Variants in DYTN observed in about 807,000 individuals in gnomAD.
DYTN encodes dystrotelin.
Under a neutral mutation model 69.6 loss-of-function variants are expected in DYTN, and 75 were observed. The observed-to-expected ratio is 1.08, with a 90% CI of 0.89 to 1.31. DYTN has a LOEUF of 1.31. Ranked by LOEUF, DYTN falls within the 50% of genes most tolerant of loss-of-function variation. The probability of loss-of-function intolerance (pLI) is 0.00; values close to 1 mark genes in which losing one functional copy is unlikely to be tolerated. For synonymous variants in DYTN, 252 were observed against 249.1 expected, an observed-to-expected ratio of 1.01 and a Z score of -0.11; for missense variants, 726 against 688.4, an observed-to-expected ratio of 1.05 and a Z score of -0.61.
chr2:206,658,677 C>G lies in DYTN; in HGVS notation c.1633+4226G>C, dbSNP rs113549932. Among the ~76,000 whole-genome samples the G allele has an allele frequency of 1.3e-3, 200 of 152,222 alleles. 4 individuals are homozygous for G. The highest frequency in any genetic ancestry group is 4.6e-3 in the African/African-American group (192 of 41,544). ...TTGGATGAATGGTCCAATTGTTTCC[C>G]CCTGCAAAGTGAGAAGCTGGGATAT... On this transcript the variant is annotated intron_variant, in intron 11 of 11. Transcript: ENST00000452335.
chr2:206,654,807 A>G (rs1699427979), intron 11 of DYTN, among the ~76,000 whole-genome samples: 1 of 152,230 alleles, frequency 6.6e-6, no homozygotes, highest in South Asian at 2.1e-4. Flanking sequence ...TTTTCTGATT[A>G]CTTGATACTT....
At chr2:206,676,006 G>C (rs981682638) in intron 9 of DYTN, among the ~76,000 whole-genome samples, 5 of 152,178 alleles carry the variant, frequency 3.3e-5, no homozygotes, top group Non-Finnish European at 2.9e-5. Context: ...CAACCATTGT[G>C]AAAGTCAATG....
At chr2:206,696,744 T>C (rs1473113169) in intron 7 of DYTN, among the ~76,000 whole-genome samples, 1 of 152,114 alleles carries the variant, frequency 6.6e-6, no homozygotes, top group Non-Finnish European at 1.5e-5. Flanking sequence ...GACCACACTA[T>C]CCTAGAATAG....
intron 9 of DYTN, among the ~76,000 whole-genome samples, chr2:206,671,358 T>C (rs1699628014): frequency 6.6e-6 from 1 of 152,178 alleles, no homozygotes; most frequent in Non-Finnish European, 1.5e-5. Context: ...AACTGAACTA[T>C]ATACAGACTT....
chr2:206,653,745 C>T (rs192072306), intron 11 of DYTN, among the ~76,000 whole-genome samples: 69 of 152,272 alleles, frequency 4.5e-4, no homozygotes, highest in African/African-American at 1.6e-3. Flanking sequence ...TGTTGATTGC[C>T]TCTGTGATGT....
At chr2:206,701,306 A>G (rs2105899715) in intron 5 of DYTN, 1 of 152,370 alleles carries the variant, frequency 6.6e-6, no homozygotes, top group South Asian at 2.1e-4. Flanking sequence ...GGATGAAAGG[A>G]AAGGAAATCA....
intron 11 of DYTN, among the ~76,000 whole-genome samples, chr2:206,659,813 G>T (rs1351192485): frequency 1.3e-5 from 2 of 152,092 alleles, no homozygotes; most frequent in Non-Finnish European, 2.9e-5. Context: ...AAATAATTGG[G>T]TGAGGAGTGA....
intron 7 of DYTN, 41 bp from the exon 8 acceptor site, chr2:206,694,918 A>ATG: frequency 2.1e-6 from 2 of 940,770 alleles, no homozygotes; most frequent in Non-Finnish European, 3.0e-6. Flanking sequence ...TCACTAGTAG[A>ATG]TGAGAAAAAA....
chr2:206,667,697 C>CGTGTGT (rs71410894), intron 9 of DYTN, among the ~76,000 whole-genome samples: 16,819 of 144,030 alleles, frequency 0.12, 1,114 homozygotes, highest in Non-Finnish European at 0.16. Context: ...TTTGCGTGTG[C>CGTGTGT]GTGTGTGTGT....
At chr2:206,704,068 T>C (rs150739758) in intron 5 of DYTN, among the ~76,000 whole-genome samples, 1 of 152,302 alleles carries the variant, frequency 6.6e-6, no homozygotes, top group African/African-American at 2.4e-5. Context: ...CAGGAAATGA[T>C]GGAAATAATT....
At position 206,704,884 on chromosome 2, in the gene DYTN, T is replaced by C; in HGVS notation, c.442A>G (p.Thr148Ala). 6.2e-7 allele frequency: 1 copy of C among 1,613,878 alleles called. No individual in the cohort carries two copies. Among genetic ancestry groups the C allele is most frequent in the Non-Finnish European group, 8.5e-7 (1 of 1,179,844 alleles). Residue 148 changes from threonine (T) to alanine (A), a missense_variant, in exon 5 of 12, where the codon ACT (threonine) becomes GCT (alanine). Physicochemically the swap from Thr to Ala is moderately conservative, Grantham distance 58. Transcript: ENST00000452335. ...RGGYDSGPRM[T>A]RRVLRKLLTD... is the part of the protein sequence containing the mutation. ...AGTAGTTTTCTCAAAACCCTTCGAG[T>C]CATGCGTGGCCCAGAATCATAGCCT...
Position 206,663,095 on chromosome 2 carries a change from G to A in DYTN, c.1441C>T (p.Pro481Ser). The A allele has an allele frequency of 6.2e-7, 1 of 1,613,868 alleles. No homozygotes were observed. Among genetic ancestry groups the A allele is most frequent in the Admixed American group, 1.7e-5 (1 of 59,972 alleles). The change falls in exon 11 of 12, where the codon CCC (proline) becomes TCC (serine). Residue 481 changes from proline to serine, a missense_variant. Pro to Ser is a moderately conservative substitution (Grantham distance 74, BLOSUM62 -1). Coordinates refer to ENST00000452335, the MANE Select transcript of DYTN (RefSeq NM_001093730.1). ...TGCTTCAGTCCCTCCTGATAACTGG[G>A]TAGGGCACTAATGACTTTCTGTGGC... Reference protein sequence around the residue: ...KMPQKVISALPSYQEGLKQDI... With the variant: ...KMPQKVISALSSYQEGLKQDI...
intron 4 of DYTN, among the ~76,000 whole-genome samples, chr2:206,705,472 G>C (rs1342914947): frequency 1.3e-5 from 2 of 152,198 alleles, no homozygotes; most frequent in African/African-American, 4.8e-5. Context: ...TGATCATTCA[G>C]TACATCTAGG....
At chr2:206,708,270 G>T (rs1700046915) in intron 2 of DYTN, among the ~76,000 whole-genome samples, 1 of 152,182 alleles carries the variant, frequency 6.6e-6, no homozygotes, top group Non-Finnish European at 1.5e-5. Context: ...GCTTCTTGCA[G>T]AGAGAGGATG....
chr2:206,656,935 T>C (rs6749792), intron 11 of DYTN, among the ~76,000 whole-genome samples: 9,049 of 152,080 alleles, frequency 0.06, 877 homozygotes, highest in African/African-American at 0.21. Flanking sequence ...GCTAATTTTG[T>C]AGTTTTAGTA....
At chr2:206,675,115 A>ATATGTGTGTGTGTGTGTGTG (rs1553573104) in intron 9 of DYTN, among the ~76,000 whole-genome samples, 22 of 131,544 alleles carry the variant, frequency 1.7e-4, no homozygotes, top group African/African-American at 6.1e-4. Context: ...ATATATATAT[A>ATATGTGTGTGTGTGTGTGTG]TGTGTGTGTG....
chr2:206,691,419 A>T (rs75552236), intron 9 of DYTN, among the ~76,000 whole-genome samples: 7,640 of 151,266 alleles, frequency 0.051, 556 homozygotes, highest in African/African-American at 0.17. Flanking sequence ...TCTTAAAAAA[A>T]AAATATATAT....
At chr2:206,655,605 G>C (rs913659674) in intron 11 of DYTN, among the ~76,000 whole-genome samples, 2 of 76,440 alleles carry the variant, frequency 2.6e-5, no homozygotes, top group South Asian at 7.1e-4. Flanking sequence ...TTTTTTTTTT[G>C]TAGAGATAGG....
chr2:206,700,091 A>G (rs1219474450), intron 6 of DYTN, 54 bp downstream of exon 6: 11 of 1,607,054 alleles, frequency 6.8e-6, no homozygotes, highest in Non-Finnish European at 8.5e-6. Flanking sequence ...TCAGCAAACT[A>G]TCCCAATACA....
Sources: allele counts gnomAD v4.1 joint callset (sites outside exome capture counted in the v4.1 genomes callset), GRCh38; gene constraint gnomAD v4.1.1; transcripts MANE v1.5; gene names NCBI Gene and HGNC (gene_info 2026-07-23, HGNC 2026-07-21).